Variants in NMBR observed in about 807,000 individuals in gnomAD.
NMBR encodes neuromedin-B receptor.
NMBR carries 16 observed loss-of-function variants against 20.5 expected under a neutral mutation model. That is an observed-to-expected ratio of 0.78 (90% CI 0.53 to 1.19). NMBR has a LOEUF of 1.19. NMBR is among the 50% of genes most tolerant of loss of function. NMBR has a pLI of 0.00. For synonymous variants in NMBR, 212 were observed against 196.6 expected (o/e 1.08, Z -0.65); for missense variants, 582 against 499.1 (o/e 1.17, Z -1.58).
chr6:142,102,082 A>G (rs1777573966), intron 1 of NMBR, among the ~76,000 whole-genome samples: 1 of 152,172 alleles, frequency 6.6e-6, no homozygotes, highest in Non-Finnish European at 1.5e-5. Flanking sequence ...AACAGATCAC[A>G]GAATGAGCTA....
At chr6:142,118,010 G>C (rs1777881918) in intron 1 of NMBR, among the ~76,000 whole-genome samples, 1 of 151,768 alleles carries the variant, frequency 6.6e-6, no homozygotes, top group Non-Finnish European at 1.5e-5. Flanking sequence ...TTTGACTCTT[G>C]TTACAAATAA....
rs760066124 is a variant in NMBR at position 142,105,550 on chromosome 6, C to T, written c.-663-16229G>A. Among the ~76,000 whole-genome samples the T allele has an allele frequency of 1.5e-4, 23 of 152,242 alleles. No individual in the cohort carries two copies. In the Middle Eastern group the frequency reaches 0.031, roughly 204 times the overall value. ...CATCTAGATTTATCTATTTTTTACT[C>T]CTTCAATTTGAAACCTGTAACTTCA... On this transcript the variant is annotated intron_variant, in intron 1 of 3. Coordinates refer to ENST00000258042, the MANE Select transcript of NMBR (RefSeq NM_002511.4).
intron 1 of NMBR, among the ~76,000 whole-genome samples, chr6:142,136,454 A>G (rs1234959717): frequency 2.0e-5 from 3 of 152,150 alleles, no homozygotes; most frequent in Non-Finnish European, 4.4e-5. Flanking sequence ...TTGCCTGTTC[A>G]CGCTGATGGT....
rs1356495819 is a variant in NMBR at position 142,093,383 on chromosome 6, A to G, written c.-663-4062T>C. On this transcript the variant is annotated intron_variant, in intron 1 of 3. Coordinates refer to ENST00000258042, the MANE Select transcript of NMBR (RefSeq NM_002511.4). ...TGTTCTCATTGTTCAATTCCCACCT[A>G]TGAGTGAGAACATGCAGTGTTTGGT... 6.6e-5 allele frequency among the ~76,000 whole-genome samples: 9 copies of G among 136,740 alleles called. No homozygotes were observed. The Admixed American group carries it at 7.5e-4, about 11-fold the overall frequency. 89.7% of individuals were successfully genotyped at this position (136,740 alleles called of 152,430 possible).
At chr6:142,142,664 T>C (rs1228439216) in intron 1 of NMBR, among the ~76,000 whole-genome samples, 2 of 151,696 alleles carry the variant, frequency 1.3e-5, no homozygotes, top group South Asian at 2.1e-4. Flanking sequence ...AAAATAAACA[T>C]ATATATATAA....
At chr6:142,131,749 CAAT>C (rs2114607300) in intron 1 of NMBR, among the ~76,000 whole-genome samples, 1 of 152,074 alleles carries the variant, frequency 6.6e-6, no homozygotes, top group Admixed American at 6.5e-5. Context: ...TCAGCAATGA[CAAT>C]GATGCTGCAC....
chr6:142,077,972 T>C (rs1340009055), intron 3 of NMBR, among the ~76,000 whole-genome samples: 1 of 152,216 alleles, frequency 6.6e-6, no homozygotes, highest in Non-Finnish European at 1.5e-5. Context: ...GCGTATTATC[T>C]TTGTAGGGAA....
intron 2 of NMBR, among the ~76,000 whole-genome samples, chr6:142,086,602 A>T (rs1349546005): frequency 6.6e-6 from 1 of 152,134 alleles, no homozygotes; most frequent in Non-Finnish European, 1.5e-5. Flanking sequence ...CTACGGACCA[A>T]GTAGAAGAGG....
At chr6:142,077,581 C>T (rs764644798) in intron 3 of NMBR, among the ~76,000 whole-genome samples, 2 of 152,110 alleles carry the variant, frequency 1.3e-5, no homozygotes, top group Non-Finnish European at 2.9e-5. Flanking sequence ...TCTTTAAAGC[C>T]GATGTGGATC....
chr6:142,116,321 G>A (rs1419369012), intron 1 of NMBR, among the ~76,000 whole-genome samples: 1 of 151,832 alleles, frequency 6.6e-6, no homozygotes, highest in Non-Finnish European at 1.5e-5. Flanking sequence ...TACCTCTTCA[G>A]CCTACAGTTA....
intron 1 of NMBR, among the ~76,000 whole-genome samples, chr6:142,142,138 T>C (rs1002840339): frequency 1.3e-5 from 2 of 152,156 alleles, no homozygotes; most frequent in Non-Finnish European, 2.9e-5. Context: ...CTACTAAAAA[T>C]TGAAAGACAT....
At chr6:142,112,706 CA>C (rs1292871917) in intron 1 of NMBR, among the ~76,000 whole-genome samples, 1 of 152,108 alleles carries the variant, frequency 6.6e-6, no homozygotes, top group Non-Finnish European at 1.5e-5. Flanking sequence ...GCTGAAAATG[CA>C]GAAGGAACCA....
rs538112593 is a variant in NMBR, at chr6:142,096,411, C to T, written c.-663-7090G>A. The stretch of plus-strand genomic sequence containing the variant: ...ATTTCTGCCTTCATTTCGTTATGTA[C>T]CCAGTAGTCATTCAGGAGTAGGTTG... On this transcript the variant is annotated intron_variant, in intron 1 of 3. Coordinates refer to ENST00000258042, the MANE Select transcript of NMBR (RefSeq NM_002511.4). 8.5e-5 allele frequency among the ~76,000 whole-genome samples: 13 copies of T among 152,270 alleles called. No individual in the cohort carries two copies. In the East Asian group the frequency reaches 1.9e-3, roughly 23 times the overall value.
At chr6:142,130,611 T>G (rs932469904) in intron 1 of NMBR, among the ~76,000 whole-genome samples, 4 of 151,242 alleles carry the variant, frequency 2.6e-5, no homozygotes, top group African/African-American at 9.7e-5. Flanking sequence ...AGCCAAAGAG[T>G]GATTAAGAGG....
At chr6:142,118,539 G>C (rs1434509659) in intron 1 of NMBR, among the ~76,000 whole-genome samples, 1 of 152,016 alleles carries the variant, frequency 6.6e-6, no homozygotes, top group Non-Finnish European at 1.5e-5. Flanking sequence ...AGAAGGCACT[G>C]TGCTAGTTGC....
At position 142,086,018 on chromosome 6, in the gene NMBR, A is replaced by C. The variant is rs188185484; in HGVS notation, c.422+2219T>G. ...ATAAATCTAATGAATCAGCTCCTGT[A>C]CTCTTTTTTTTTTTTTTTAATGCTT... is the stretch of plus-strand genomic sequence containing the variant. On this transcript the variant is annotated intron_variant, in intron 2 of 3. Coordinates refer to ENST00000258042, the MANE Select transcript of NMBR (RefSeq NM_002511.4). Among the ~76,000 whole-genome samples the C allele has an allele frequency of 2.3e-3, 277 of 118,568 alleles. 2 individuals carry two copies. The highest frequency in any genetic ancestry group is 8.5e-3 in the African/African-American group (267 of 31,540). The allele number at this position is 118,568 out of a possible 152,430, so 77.8% of individuals were successfully genotyped here.
intron 1 of NMBR, among the ~76,000 whole-genome samples, chr6:142,105,564 C>T (rs763722380): frequency 3.3e-5 from 5 of 152,104 alleles, no homozygotes; most frequent in African/African-American, 1.2e-4. Context: ...CAATTTGAAA[C>T]CTGTAACTTC....
rs918642152 is a variant in NMBR, at chr6:142,142,735, T to C, written c.-664+4309A>G. On this transcript the variant is annotated intron_variant, in intron 1 of 3. Transcript: ENST00000258042. ...AATATATGAATTGCAAAATAATAAA[T>C]CTTTATTCACAGACATGGTCATGTA... Among the ~76,000 whole-genome samples the C allele has an allele frequency of 2.0e-5, 3 of 152,136 alleles. 1 individual carries two copies. The East Asian group carries it at 5.8e-4, about 29-fold the overall frequency.
chr6:142,146,887 T>A (rs10046378), intron 1 of NMBR, among the ~76,000 whole-genome samples, 157 bp downstream of exon 1: 1 of 152,198 alleles, frequency 6.6e-6, no homozygotes, highest in African/African-American at 2.4e-5. Flanking sequence ...TAACTGGAAG[T>A]GGTAATTCCT....
Sources: allele counts gnomAD v4.1 joint callset (sites outside exome capture counted in the v4.1 genomes callset), GRCh38; gene constraint gnomAD v4.1.1; transcripts MANE v1.5; gene names NCBI Gene and HGNC (gene_info 2026-07-23, HGNC 2026-07-21).